The following EMCN variants were observed in gnomAD, a reference collection of about 807,000 sequenced individuals.
The protein encoded by EMCN is endomucin, also known as MUC-14.
Under a neutral mutation model 38.4 loss-of-function variants are expected in EMCN, and 37 were observed. The ratio of observed to expected loss-of-function variants is 0.96; its 90% CI spans 0.74 to 1.27. EMCN has a LOEUF of 1.27. Ranked by LOEUF, EMCN falls within the 50% of genes most tolerant of loss-of-function variation. The pLI, the probability that EMCN is intolerant of heterozygous loss-of-function variation, is 0.00. For missense variants in EMCN, 318 were observed against 302.8 expected, an observed-to-expected ratio of 1.05 and a Z score of -0.37; for synonymous variants, 95 against 100.8, an observed-to-expected ratio of 0.94 and a Z score of 0.35.
At position 100,501,866 on chromosome 4, in the gene EMCN, T is replaced by TG. The variant is rs564222275; in HGVS notation, c.64+15984dup. On this transcript the variant is annotated intron_variant, in intron 1 of 11. Transcript: ENST00000296420. Reference sequence around the variant, plus strand: ...TTTAATTCTAGTGGGTTTTTTTTTTTGATAAGTTCTCATAAATACTGTACT... The same window carrying TG: ...TTTAATTCTAGTGGGTTTTTTTTTTTGGATAAGTTCTCATAAATACTGTACT... Among the ~76,000 whole-genome samples, 573 of 152,024 alleles carry TG rather than the reference T, an allele frequency of 3.8e-3. 3 individuals are homozygous for TG. The highest frequency in any genetic ancestry group is 6.8e-3 in the Non-Finnish European group (463 of 67,934).
Position 100,457,341 on chromosome 4 carries a change from G to A in EMCN, c.376+8082C>T, listed in dbSNP as rs535239800. Among the ~76,000 whole-genome samples, 6 of 152,034 alleles carry A rather than the reference G, an allele frequency of 3.9e-5. No homozygotes were observed. In the South Asian group the frequency reaches 1.2e-3, roughly 32 times the overall value. ...CTGATTGCTCTGAATAGAACTTTCA[G>A]TATTATATTCAATAGAAGTGATGAG... is the stretch of plus-strand genomic sequence containing the variant. On this transcript the variant is annotated intron_variant, in intron 4 of 11. Coordinates refer to ENST00000296420, the MANE Select transcript of EMCN (RefSeq NM_016242.4).
chr4:100,442,783 A>T (rs1252442277), intron 5 of EMCN, among the ~76,000 whole-genome samples: 4 of 151,736 alleles, frequency 2.6e-5, no homozygotes, highest in Admixed American at 2.0e-4. Flanking sequence ...TCCTGATTTT[A>T]TTAAATTGTC....
rs555992043 is a variant in EMCN, at chr4:100,439,580, C to A, written c.415+7953G>T. On this transcript the variant is annotated intron_variant, in intron 5 of 11. Transcript: ENST00000296420. ...TCCATTTTTTTTTATTTTTTGAAAG[C>A]ACCAACTCTTAATTTTATTGATTCT... Among the ~76,000 whole-genome samples the A allele has an allele frequency of 9.9e-5, 15 of 150,982 alleles. No individual in the cohort carries two copies. In the South Asian group the frequency reaches 2.9e-3, roughly 29 times the overall value.
intron 1 of EMCN, among the ~76,000 whole-genome samples, chr4:100,516,849 T>C (rs1409138379): frequency 6.6e-6 from 1 of 152,082 alleles, no homozygotes; most frequent in Non-Finnish European, 1.5e-5. Context: ...TAGAAATGAA[T>C]GTTTTTGTTT....
intron 5 of EMCN, among the ~76,000 whole-genome samples, chr4:100,441,442 G>A (rs947076602): frequency 1.3e-5 from 2 of 152,052 alleles, no homozygotes; most frequent in African/African-American, 2.4e-5. Flanking sequence ...GTTGGATCTT[G>A]TTTTTATTCA....
At chr4:100,458,260 A>ATTATT (rs1334703962) in intron 4 of EMCN, among the ~76,000 whole-genome samples, 1 of 151,900 alleles carries the variant, frequency 6.6e-6, no homozygotes, top group African/African-American at 2.4e-5. Flanking sequence ...ATTTTATGTC[A>ATTATT]TTATTTTATT....
At chr4:100,507,556 G>A (rs1729516066) in intron 1 of EMCN, among the ~76,000 whole-genome samples, 1 of 152,080 alleles carries the variant, frequency 6.6e-6, no homozygotes, top group Admixed American at 6.6e-5. Context: ...ATGGCAAGAA[G>A]GAAGAACTCC....
intron 5 of EMCN, among the ~76,000 whole-genome samples, chr4:100,434,410 G>A (rs1288821315): frequency 6.7e-6 from 1 of 150,188 alleles, no homozygotes; most frequent in African/African-American, 2.4e-5. Context: ...AAAAGCCTGG[G>A]ACTGGATGGA....
chr4:100,457,521 T>C (rs1265050079), intron 4 of EMCN, among the ~76,000 whole-genome samples: 1 of 152,190 alleles, frequency 6.6e-6, no homozygotes, highest in Non-Finnish European at 1.5e-5. Context: ...AGATGTTAAA[T>C]TTTGTCAAAT....
intron 1 of EMCN, among the ~76,000 whole-genome samples, chr4:100,498,596 C>G (rs764968421): frequency 6.6e-6 from 1 of 152,074 alleles, no homozygotes; most frequent in African/African-American, 2.4e-5. Flanking sequence ...ATTCTCCTGC[C>G]TCAGCCTCTT....
intron 1 of EMCN, among the ~76,000 whole-genome samples, chr4:100,517,263 G>A (rs1462740022): frequency 6.6e-6 from 1 of 151,978 alleles, no homozygotes; most frequent in Admixed American, 6.6e-5. Context: ...TATGCAAAAT[G>A]TATGTATATG....
At chr4:100,510,977 G>T (rs988167796) in intron 1 of EMCN, among the ~76,000 whole-genome samples, 3 of 151,994 alleles carry the variant, frequency 2.0e-5, no homozygotes, top group African/African-American at 7.3e-5. Context: ...AGAATTAATT[G>T]AATCCAGAAT....
intron 9 of EMCN, among the ~76,000 whole-genome samples, chr4:100,416,170 A>G (rs1726727613): frequency 6.6e-6 from 1 of 152,092 alleles, no homozygotes; most frequent in Non-Finnish European, 1.5e-5. Flanking sequence ...ATACAAATAC[A>G]CATATACTTT....
intron 1 of EMCN, among the ~76,000 whole-genome samples, chr4:100,492,785 CA>C (rs1729117378): frequency 1.3e-5 from 2 of 152,140 alleles, no homozygotes; most frequent in Admixed American, 6.5e-5. Context: ...CTAAATAAAT[CA>C]AAATAATTTA....
At chr4:100,493,499 G>T (rs1051964678) in intron 1 of EMCN, among the ~76,000 whole-genome samples, 7 of 152,136 alleles carry the variant, frequency 4.6e-5, no homozygotes, top group Admixed American at 2.0e-4. Context: ...GAACTGCAGA[G>T]TTTACACCAG....
intron 8 of EMCN, among the ~76,000 whole-genome samples, chr4:100,420,375 G>T (rs1191721768): frequency 6.6e-6 from 1 of 151,988 alleles, no homozygotes. Context: ...GAGTCCTAAT[G>T]GGTAAGTTGG....
intron 4 of EMCN, among the ~76,000 whole-genome samples, chr4:100,452,936 C>T (rs555581015): frequency 1.5e-4 from 23 of 152,160 alleles, no homozygotes; most frequent in African/African-American, 5.3e-4. Flanking sequence ...GAAAGGATTC[C>T]CTATTTAATA....
chr4:100,465,449 G>A lies in EMCN; in HGVS notation c.350C>T (p.Ser117Leu), dbSNP rs867750196. The A allele has an allele frequency of 1.2e-6, 2 of 1,605,542 alleles. No homozygotes were observed. Among genetic ancestry groups the A allele is most frequent in the Non-Finnish European group, 1.7e-6 (2 of 1,174,218 alleles). ...CTTGGGTTTGGAACTTTGTAATGTT[G>A]AAACAGCATTTGGAAGTGTAACACT... ...VTSVTLPNAV[S>L]TLQSSKPKTE... Residue 117 changes from serine (S) to leucine (L), a missense_variant, in exon 4 of 12, where the codon TCA (serine) becomes TTA (leucine). By Grantham distance (145) the Ser-to-Leu change is moderately radical. Transcript: ENST00000296420.
At chr4:100,492,952 A>G (rs932651405) in intron 1 of EMCN, among the ~76,000 whole-genome samples, 1 of 152,208 alleles carries the variant, frequency 6.6e-6, no homozygotes, top group African/African-American at 2.4e-5. Flanking sequence ...ATAATCTCAT[A>G]GAAATCTACC....
Sources: gnomAD v4.1 joint callset for allele counts (sites outside exome capture counted in the v4.1 genomes callset) on GRCh38, gnomAD v4.1.1 for gene constraint, MANE v1.5 for transcripts, NCBI Gene and HGNC (gene_info 2026-07-23, HGNC 2026-07-21) for gene names.